The following UTP20 variants were observed in gnomAD, a reference collection of about 807,000 sequenced individuals.
UTP20 encodes UTP20 small subunit processome component.
UTP20 carries 164 observed loss-of-function variants against 329.5 expected under a neutral mutation model. The observed-to-expected ratio is 0.50, with a 90% CI of 0.44 to 0.57. The LOEUF (loss-of-function observed/expected upper bound fraction) is 0.57, where lower values mean the gene tolerates loss of function less well. UTP20 is among the 20% of genes least tolerant of loss of function. The probability of loss-of-function intolerance (pLI) is 0.00; values close to 1 mark genes in which losing one functional copy is unlikely to be tolerated. For missense variants in UTP20, 3,055 were observed against 3,284.2 expected (o/e 0.93, Z 1.71); for synonymous variants, 1,151 against 1,159.3 (o/e 0.99, Z 0.14).
chr12:101,343,259 C>T (rs1869208997), intron 35 of UTP20, among the ~76,000 whole-genome samples, 166 bp downstream of exon 35: 1 of 151,892 alleles, frequency 6.6e-6, no homozygotes, highest in African/African-American at 2.4e-5. Context: ...AACAGTTATT[C>T]TCATGATTTA....
At chr12:101,306,622 A>T (rs1315394883) in intron 16 of UTP20, 77 bp from the exon 17 acceptor site, 17 of 1,363,446 alleles carry the variant, frequency 1.2e-5, no homozygotes, top group Non-Finnish European at 1.7e-5. Flanking sequence ...TATAAAACTT[A>T]AATCTTGCTG....
chr12:101,374,052 G>A (rs1231730613), intron 54 of UTP20, among the ~76,000 whole-genome samples: 3 of 151,658 alleles, frequency 2.0e-5, no homozygotes, highest in Non-Finnish European at 2.9e-5. Context: ...CGGCTAAAAC[G>A]GTGAAACCCC....
chr12:101,313,311 C>A (rs1196092397), intron 21 of UTP20, among the ~76,000 whole-genome samples: 1 of 152,124 alleles, frequency 6.6e-6, no homozygotes, highest in African/African-American at 2.4e-5. Flanking sequence ...GTGGTTCTAG[C>A]AGAATGATCC....
Position 101,311,778 on chromosome 12 carries a change from A to G in UTP20, c.2291A>G (p.Glu764Gly), listed in dbSNP as rs1226808409. 1 of 1,613,360 alleles carries G rather than the reference A, an allele frequency of 6.2e-7. No homozygotes were observed. Among genetic ancestry groups the G allele is most frequent in the African/African-American group, 1.3e-5 (1 of 74,890 alleles). The change falls in exon 20 of 62, where the codon GAA becomes GGA. Residue 764 changes from glutamate to glycine, a missense_variant. Around this residue, in one of 3 missense-constraint regions of UTP20, gnomAD observed 2,445 missense variants for 2,575.5 expected, o/e 0.95. Transcript: ENST00000261637. ...QFWKVYYEHL[E>G]KAATHAEKEL... is the part of the protein sequence containing the mutation. ...TGGAAAGTCTACTATGAGCATCTAGAAAAAGCAGCTACGCATGCTGGTATG... is the reference window on the plus strand; with the variant it reads ...TGGAAAGTCTACTATGAGCATCTAGGAAAAGCAGCTACGCATGCTGGTATG...
intron 11 of UTP20, among the ~76,000 whole-genome samples, 199 bp downstream of exon 11, chr12:101,293,444 C>T (rs1355755980): frequency 6.6e-6 from 1 of 152,100 alleles, no homozygotes; most frequent in Middle Eastern, 3.4e-3. Context: ...TAGGTAGTTA[C>T]AGAACCGTGT....
chr12:101,345,618 A>G lies in UTP20; in HGVS notation c.4670A>G (p.Glu1557Gly). The G allele has an allele frequency of 5.0e-6, 8 of 1,612,416 alleles. No individual in the cohort carries two copies. The highest frequency in any genetic ancestry group is 6.8e-6 in the Non-Finnish European group (8 of 1,178,584). ...ATTCAAACCTTTCCAAACCAACTGG[A>G]ATTCAAAGACTTGGTACAACTTACT... Reference protein sequence around the residue: ...CLIQTFPNQLEFKDLVQLTHY... With the variant: ...CLIQTFPNQLGFKDLVQLTHY... The change falls in exon 37 of 62, where the codon GAA (glutamate) becomes GGA (glycine). Residue 1557 changes from glutamate to glycine, a missense_variant. Glu to Gly is a moderately conservative substitution (Grantham distance 98). Around this residue, in one of 3 missense-constraint regions of UTP20, gnomAD observed 2,445 missense variants for 2,575.5 expected, o/e 0.95. Transcript: ENST00000261637.
intron 21 of UTP20, among the ~76,000 whole-genome samples, chr12:101,313,519 G>GT (rs1872863067): frequency 6.6e-6 from 1 of 152,160 alleles, no homozygotes. Context: ...ACTGTAGAAT[G>GT]ACATTGGTGA....
In UTP20 at chr12:101,362,793, C is replaced by T. The variant is rs1265720036; in HGVS notation, c.5790+733C>T. ...TAAATTTGCCACATAACCTTTTGTTCATTTGTTTTAAAATGTAGACACTAA... is the reference window on the plus strand; with the variant it reads ...TAAATTTGCCACATAACCTTTTGTTTATTTGTTTTAAAATGTAGACACTAA... On this transcript the variant is annotated intron_variant, in intron 44 of 61. Transcript: ENST00000261637. Among the ~76,000 whole-genome samples, 2 of 132,858 alleles carry T rather than the reference C, an allele frequency of 1.5e-5. 1 individual carries two copies. Among genetic ancestry groups the T allele is most frequent in the African/African-American group, 7.8e-5 (2 of 25,718 alleles). 87.2% of individuals were successfully genotyped at this position (132,858 alleles called of 152,430 possible).
rs746172358 is a variant in UTP20 at position 101,280,151 on chromosome 12, A to G, written c.-132A>G. On this transcript the variant is annotated 5_prime_UTR_variant, in exon 1 of 62. Transcript: ENST00000261637. ...CAACATGGCGGCGCCCAGGGGCTCA[A>G]GCCGCACGTGAGAAAGTCTGGGCAT... 11 of 1,224,102 alleles carry G rather than the reference A, an allele frequency of 9.0e-6. No individual in the cohort carries two copies. The highest frequency in any genetic ancestry group is 1.2e-5 in the Non-Finnish European group (11 of 881,760). The allele number at this position is 1,224,102 out of a possible 1,614,324, so 75.8% of individuals were successfully genotyped here. A position where few individuals can be genotyped will look rare whatever the true frequency, so the allele number is the denominator to read the frequency against.
At chr12:101,334,266 G>T (rs1868862090) in intron 28 of UTP20, among the ~76,000 whole-genome samples, 159 bp from the exon 29 acceptor site, 1 of 152,026 alleles carries the variant, frequency 6.6e-6, no homozygotes, top group Non-Finnish European at 1.5e-5. Context: ...TGTTCTTTTG[G>T]ATCTCTTTAT....
intron 19 of UTP20, among the ~76,000 whole-genome samples, chr12:101,310,278 G>A (rs907730022): frequency 8.6e-5 from 13 of 151,922 alleles, no homozygotes; most frequent in African/African-American, 2.7e-4. Context: ...TGGTCACATA[G>A]AAAATACATG....
intron 32 of UTP20, 64 bp from the exon 33 acceptor site, chr12:101,342,382 A>G: frequency 7.6e-7 from 1 of 1,312,388 alleles, no homozygotes; most frequent in Non-Finnish European, 1.0e-6. Flanking sequence ...ATAATATATT[A>G]AAGTATAAGT....
intron 27 of UTP20, among the ~76,000 whole-genome samples, chr12:101,330,497 G>A (rs142019181): frequency 5.3e-5 from 8 of 152,336 alleles, no homozygotes; most frequent in Admixed American, 3.3e-4. Context: ...TAAGGACTGT[G>A]TAGTGTTTTA....
intron 15 of UTP20, among the ~76,000 whole-genome samples, chr12:101,303,295 C>T (rs1872570641): frequency 6.6e-6 from 1 of 152,114 alleles, no homozygotes; most frequent in Non-Finnish European, 1.5e-5. Flanking sequence ...CCAGAAGAGG[C>T]ACTAAACAGA....
intron 51 of UTP20, among the ~76,000 whole-genome samples, chr12:101,372,046 C>T (rs1406156824): frequency 6.6e-6 from 1 of 152,170 alleles, no homozygotes; most frequent in Non-Finnish European, 1.5e-5. Context: ...ATGCATGTCT[C>T]TGGAAATAAT....
intron 38 of UTP20, 112 bp from the exon 39 acceptor site, chr12:101,351,943 T>C: frequency 7.7e-7 from 1 of 1,291,374 alleles, no homozygotes; most frequent in Non-Finnish European, 1.1e-6. Context: ...TTGGACATTC[T>C]TTCTCTTCTG....
At chr12:101,317,904 T>C (rs1242585954) in intron 22 of UTP20, among the ~76,000 whole-genome samples, 1 of 152,234 alleles carries the variant, frequency 6.6e-6, no homozygotes. Flanking sequence ...GAGAGTCATC[T>C]AATTGTAGCT....
intron 43 of UTP20, among the ~76,000 whole-genome samples, chr12:101,361,211 A>T (rs148395562): frequency 3.3e-5 from 5 of 152,330 alleles, no homozygotes; most frequent in African/African-American, 1.2e-4. Flanking sequence ...AGAAAACATC[A>T]GCTTGATTTT....
At chr12:101,341,169 G>T (rs11110758) in intron 32 of UTP20, among the ~76,000 whole-genome samples, 2 of 151,330 alleles carry the variant, frequency 1.3e-5, no homozygotes, top group African/African-American at 2.4e-5. Flanking sequence ...ATAGGGATGG[G>T]GTTTCACCGT....
Sources: gnomAD v4.1 joint callset for allele counts (sites outside exome capture counted in the v4.1 genomes callset) on GRCh38, gnomAD v4.1.1 for gene constraint, gnomAD v4.1.1 regional missense constraint, MANE v1.5 for transcripts, NCBI Gene and HGNC (gene_info 2026-07-23, HGNC 2026-07-21) for gene names.